The following PBX4 variants were observed in gnomAD, a reference collection of about 807,000 sequenced individuals.
The protein encoded by PBX4 is pre-B-cell leukemia transcription factor 4.
In PBX4, 26 loss-of-function variants were observed where a neutral mutation model predicts 35.1. That is an observed-to-expected ratio of 0.74 (90% CI 0.54 to 1.03). The LOEUF (loss-of-function observed/expected upper bound fraction) is 1.03, where lower values mean the gene tolerates loss of function less well. Ranked by LOEUF, PBX4 falls within the 50% of genes least tolerant of loss-of-function variation. The pLI is 0.00. For synonymous variants in PBX4, 199 were observed against 204.2 expected, an observed-to-expected ratio of 0.97 and a Z score of 0.22; for missense variants, 448 against 504.3, an observed-to-expected ratio of 0.89 and a Z score of 1.07.
intron 2 of PBX4, among the ~76,000 whole-genome samples, chr19:19,580,310 G>A (rs916382551): frequency 1.3e-5 from 2 of 152,212 alleles, no homozygotes; most frequent in Non-Finnish European, 2.9e-5. Context: ...AGCACCTACT[G>A]AGTGCTGGGC....
chr19:19,579,792 C>G (rs1176185535), intron 2 of PBX4: 1 of 152,374 alleles, frequency 6.6e-6, no homozygotes, highest in Non-Finnish European at 1.5e-5. Context: ...CAGGCCCGGC[C>G]CAGAGCCCAT....
intron 1 of PBX4, among the ~76,000 whole-genome samples, chr19:19,603,573 G>A (rs1599377233): frequency 6.6e-6 from 1 of 152,158 alleles, no homozygotes; most frequent in Non-Finnish European, 1.5e-5. Flanking sequence ...TGCCCAGCCT[G>A]TTGTCTTTGA....
intron 2 of PBX4, among the ~76,000 whole-genome samples, chr19:19,581,509 C>T (rs553535514): frequency 2.6e-5 from 4 of 152,318 alleles, no homozygotes; most frequent in African/African-American, 9.6e-5. Context: ...TACTGTCTTG[C>T]GGGTGGCGGT....
intron 1 of PBX4, 68 bp downstream of exon 1, chr19:19,618,443 C>T: frequency 7.6e-7 from 1 of 1,317,462 alleles, no homozygotes; most frequent in East Asian, 3.2e-5. Context: ...CTCCACGCCC[C>T]GTCCCCTCAG....
chr19:19,597,742 C>G (rs16996174), intron 2 of PBX4, among the ~76,000 whole-genome samples: 11,014 of 152,194 alleles, frequency 0.072, 572 homozygotes, highest in East Asian at 0.25. Flanking sequence ...TGCAGATGAC[C>G]CTTGGTTTAA....
intron 2 of PBX4, among the ~76,000 whole-genome samples, chr19:19,598,297 C>CTTTTTT (rs34977299): frequency 7.7e-6 from 1 of 129,248 alleles, no homozygotes; most frequent in African/African-American, 2.9e-5. Context: ...CTTTTCTTTC[C>CTTTTTT]TTTTTTTTTT....
intron 1 of PBX4, among the ~76,000 whole-genome samples, chr19:19,613,303 T>TA (rs1256224680): frequency 6.7e-6 from 1 of 150,184 alleles, no homozygotes; most frequent in Admixed American, 6.6e-5. Flanking sequence ...CCGTCTCTAC[T>TA]AAAAAAATAC....
chr19:19,613,993 G>A (rs1466108499), intron 1 of PBX4, among the ~76,000 whole-genome samples: 1 of 152,140 alleles, frequency 6.6e-6, no homozygotes, highest in Non-Finnish European at 1.5e-5. Context: ...AGAAGGCAGA[G>A]AACATCTTAG....
intron 2 of PBX4, among the ~76,000 whole-genome samples, chr19:19,582,258 C>T (rs967703787): frequency 6.6e-6 from 1 of 152,202 alleles, no homozygotes. Context: ...GCTCCACCCT[C>T]GGCCCTGTGC....
intron 1 of PBX4, among the ~76,000 whole-genome samples, chr19:19,604,246 G>A (rs907688638): frequency 6.6e-6 from 1 of 151,084 alleles, no homozygotes; most frequent in African/African-American, 2.4e-5. Flanking sequence ...TGAGATGGGG[G>A]GATCACTTGA....
rs369459162 is a variant in PBX4 at position 19,562,001 on chromosome 19, C to T, written c.*24G>A. ...GCGATACATGGCAGCTCACGCAGCG[C>T]TCTTTCCTGCTTATCCCCCAAACTT... On this transcript the variant is annotated 3_prime_UTR_variant, in exon 8 of 8. Coordinates refer to ENST00000251203, the MANE Select transcript of PBX4 (RefSeq NM_025245.3). This position sits in a 1 kb window ranked among gnomAD's most constrained non-coding sequence, Gnocchi z 4.8. 3 of 1,595,186 alleles carry T rather than the reference C, an allele frequency of 1.9e-6. No individual in the cohort carries two copies. Among genetic ancestry groups the T allele is most frequent in the Non-Finnish European group, 2.6e-6 (3 of 1,165,928 alleles).
rs755755192 is a variant in PBX4 at position 19,562,051 on chromosome 19, T to C, written c.1099A>G (p.Ser367Gly). The change falls in exon 8 of 8, where the codon AGC (serine) becomes GGC (glycine). Residue 367 changes from serine to glycine, a missense_variant. By Grantham distance (56) the Ser-to-Gly change is moderately conservative (BLOSUM62 0). Coordinates refer to ENST00000251203, the MANE Select transcript of PBX4 (RefSeq NM_025245.3). This position sits in a 1 kb window ranked among gnomAD's most constrained non-coding sequence, Gnocchi z 4.8. ...TAATTAGATGTACTGGAGTTGATGCTGCCAGGGTCTCCAGCAGGTGAGGCA... is the reference window on the plus strand; with the variant it reads ...TAATTAGATGTACTGGAGTTGATGCCGCCAGGGTCTCCAGCAGGTGAGGCA... ...ATASPAGDPG[S>G]INSSTSN 1.1e-5 allele frequency: 17 copies of C among 1,613,406 alleles called. No individual in the cohort carries two copies. In the South Asian group the frequency reaches 1.9e-4, roughly 18 times the overall value.
intron 1 of PBX4, among the ~76,000 whole-genome samples, chr19:19,604,097 T>G (rs2061614482): frequency 6.6e-6 from 1 of 152,170 alleles, no homozygotes; most frequent in African/African-American, 2.4e-5. Context: ...CGTCCATTAT[T>G]AAAAGATCCA....
At chr19:19,586,640 C>A (rs76572785) in intron 2 of PBX4, among the ~76,000 whole-genome samples, 2,286 of 152,080 alleles carry the variant, frequency 0.015, 79 homozygotes, top group South Asian at 0.076. Context: ...CATTTAAGAG[C>A]CACAGCTAAG....
rs1386039495 is a variant in PBX4 at position 19,561,884 on chromosome 19, G to A, written c.*141C>T. The A allele has an allele frequency of 1.6e-6, 1 of 629,922 alleles. No homozygotes were observed. The highest frequency in any genetic ancestry group is 2.7e-6 in the Non-Finnish European group (1 of 375,458). 39.0% of individuals were successfully genotyped at this position (629,922 alleles called of 1,614,324 possible). ...GCAGACACATGAGCCGGCGCCACGG[G>A]CCTGGCTGAGGAGCAGGGGCTCATG... is the stretch of plus-strand genomic sequence containing the variant. On this transcript the variant is annotated 3_prime_UTR_variant, in exon 8 of 8. Coordinates refer to ENST00000251203, the MANE Select transcript of PBX4 (RefSeq NM_025245.3).
chr19:19,598,913 C>CTTTTTTTTTTTTTTTTTTTTTTT lies in PBX4; in HGVS notation c.193+378_193+379insAAAAAAAAAAAAAAAAAAAAAAA, dbSNP rs34982058. On this transcript the variant is annotated intron_variant, in intron 2 of 7. Transcript: ENST00000251203. Reference sequence around the variant, plus strand: ...AGCTCTAGTCACACACAGGAAGTGCCTTTTTTTTTTTTTTTTTTTTTGAGA... The same window carrying CTTTTTTTTTTTTTTTTTTTTTTT: ...AGCTCTAGTCACACACAGGAAGTGCCTTTTTTTTTTTTTTTTTTTTTTTTTTTTTTTTTTTTTTTTTTTTGAGA... 1.8e-5 allele frequency among the ~76,000 whole-genome samples: 2 copies of CTTTTTTTTTTTTTTTTTTTTTTT among 112,592 alleles called. 1 individual carries two copies. The highest frequency in any genetic ancestry group is 6.7e-5 in the African/African-American group (2 of 29,958). The allele number at this position is 112,592 out of a possible 152,430, so 73.9% of individuals were successfully genotyped here.
chr19:19,572,030 C>CAAA (rs546626234), intron 2 of PBX4, among the ~76,000 whole-genome samples: 1 of 59,840 alleles, frequency 1.7e-5, no homozygotes, highest in South Asian at 8.2e-4. Flanking sequence ...GACCCCGTCT[C>CAAA]AAAAAAAAAA....
At chr19:19,582,178 C>G (rs189777906) in intron 2 of PBX4, among the ~76,000 whole-genome samples, 1 of 152,316 alleles carries the variant, frequency 6.6e-6, no homozygotes, top group East Asian at 1.9e-4. Flanking sequence ...CAGCTCCAAT[C>G]TAGCTTCCCA....
intron 6 of PBX4, 21 bp downstream of exon 6, chr19:19,564,912 C>T: frequency 6.2e-7 from 1 of 1,614,136 alleles, no homozygotes; most frequent in Non-Finnish European, 8.5e-7. Context: ...AGATGACTGT[C>T]CCTGGGCCAG....
Sources: allele counts gnomAD v4.1 joint callset (sites outside exome capture counted in the v4.1 genomes callset), GRCh38; gene constraint gnomAD v4.1.1; non-coding constraint Gnocchi (gnomAD v3.1); transcripts MANE v1.5; gene names NCBI Gene and HGNC (gene_info 2026-07-23, HGNC 2026-07-21).